AHRR: variants seen among roughly 807,000 people sequenced by gnomAD.
AHRR encodes the protein ahR repressor.
Under a neutral mutation model 44.0 loss-of-function variants are expected in AHRR, and 28 were observed. The ratio of observed to expected loss-of-function variants is 0.64; its 90% CI spans 0.47 to 0.87. The LOEUF (loss-of-function observed/expected upper bound fraction) is 0.87. Among genes scored for constraint, AHRR ranks in the 40% least tolerant of loss-of-function variants. AHRR has a pLI of 0.00. For missense variants in AHRR, 990 were observed against 953.9 expected, an observed-to-expected ratio of 1.04 and a Z score of -0.50; for synonymous variants, 434 against 407.0, an observed-to-expected ratio of 1.07 and a Z score of -0.80.
chr5:390,014 C>CAGGAA (rs1218979235), intron 4 of AHRR, among the ~76,000 whole-genome samples: 158 of 150,156 alleles, frequency 1.1e-3, no homozygotes, highest in African/African-American at 3.8e-3. Context: ...CAGGACAGGA[C>CAGGAA]AGGAAAGGAA....
chr5:397,776 C>T (rs1318270866), intron 4 of AHRR, among the ~76,000 whole-genome samples: 21 of 105,138 alleles, frequency 2.0e-4, no homozygotes, highest in East Asian at 2.8e-4. Context: ...TGACCGTCCA[C>T]GTAGCCCCTG....
At chr5:429,524 T>C (rs1736626500) in intron 8 of AHRR, among the ~76,000 whole-genome samples, 2 of 152,022 alleles carry the variant, frequency 1.3e-5, no homozygotes, top group Admixed American at 1.3e-4. Flanking sequence ...GGTCCTTGGC[T>C]GTCGGTGAGG....
At chr5:433,769 A>G in intron 10 of AHRR, 84 bp from the exon 11 acceptor site, 3 of 1,358,336 alleles carry the variant, frequency 2.2e-6, no homozygotes, top group Non-Finnish European at 2.9e-6. Flanking sequence ...CTGATTTCGT[A>G]GCCTCCCTTA....
chr5:416,116 G>A (rs560291373), intron 5 of AHRR, among the ~76,000 whole-genome samples: 82 of 152,338 alleles, frequency 5.4e-4, no homozygotes, highest in African/African-American at 1.6e-3. Flanking sequence ...GGTGCAGCTC[G>A]TCAGCACGCC....
intron 5 of AHRR, among the ~76,000 whole-genome samples, chr5:415,223 C>T (rs1369251870): frequency 6.6e-6 from 1 of 152,232 alleles, no homozygotes; most frequent in East Asian, 1.9e-4. Flanking sequence ...GCACCTCTGC[C>T]TACGAGGAAA....
At chr5:433,143 C>G (rs35664198) in intron 10 of AHRR, among the ~76,000 whole-genome samples, 196 bp downstream of exon 10, 21,187 of 152,220 alleles carry the variant, frequency 0.14, 1,914 homozygotes, top group Non-Finnish European at 0.2. Context: ...TCACGTGTGT[C>G]GCTGGGGACT....
chr5:349,579 C>CAAA lies in AHRR; in HGVS notation c.63-4139_63-4137dup, dbSNP rs35232794. Among the ~76,000 whole-genome samples, 681 of 129,566 alleles carry CAAA rather than the reference C, an allele frequency of 5.3e-3. 8 individuals carry two copies. The highest frequency in any genetic ancestry group is 0.039 in the Middle Eastern group (9 of 232). The allele number at this position is 129,566 out of a possible 152,430, so 85.0% of individuals were successfully genotyped here. A position where few individuals can be genotyped will look rare whatever the true frequency, so the allele number is the denominator to read the frequency against. On this transcript the variant is annotated intron_variant, in intron 2 of 10. Transcript: ENST00000684583. ...TGGGTGACAGAGTGAGACTCCGTCT[C>CAAA]AAAAAAAAAAAAAAGAAGAAAGAAA...
chr5:435,476 T>G lies in AHRR; in HGVS notation c.*642T>G, dbSNP rs1294804978. The G allele has an allele frequency of 6.5e-6, 1 of 152,978 alleles. No homozygotes were observed. The highest frequency in any genetic ancestry group is 1.9e-4 in the East Asian group (1 of 5,288). 9.5% of individuals were successfully genotyped at this position (152,978 alleles called of 1,614,324 possible). ...AGGCAGCAGAGGCTGGCAGCGTGGG[T>G]CCCACACTGCCCCACACCGTGCGGC... On this transcript the variant is annotated 3_prime_UTR_variant, in exon 11 of 11. Transcript: ENST00000684583.
At chr5:371,111 T>C (rs1743566551) in intron 3 of AHRR, among the ~76,000 whole-genome samples, 1 of 151,994 alleles carries the variant, frequency 6.6e-6, no homozygotes, top group Non-Finnish European at 1.5e-5. Flanking sequence ...GGCCGGAGAA[T>C]GGGAGATGAG....
intron 2 of AHRR, 58 bp from the exon 3 acceptor site, chr5:353,672 C>T: frequency 1.3e-6 from 2 of 1,534,692 alleles, no homozygotes; most frequent in South Asian, 2.4e-5. Flanking sequence ...GTTTCCGCCC[C>T]AGGGGGCCTG....
chr5:407,490 T>C (rs572281861), intron 4 of AHRR, among the ~76,000 whole-genome samples: 1 of 152,238 alleles, frequency 6.6e-6, no homozygotes, highest in Non-Finnish European at 1.5e-5. Flanking sequence ...GTAAAGGTTA[T>C]GGGTATCTGT....
intron 6 of AHRR, among the ~76,000 whole-genome samples, chr5:423,385 C>T (rs995850944): frequency 2.6e-5 from 4 of 152,076 alleles, no homozygotes; most frequent in African/African-American, 7.2e-5. Flanking sequence ...CAATGACAGG[C>T]GGGGGCTGTG....
At position 434,451 on chromosome 5, in the gene AHRR, C is replaced by T. The variant is rs1335461243; in HGVS notation, c.1711C>T (p.His571Tyr). The T allele has an allele frequency of 1.5e-5, 24 of 1,613,336 alleles. No homozygotes were observed. The highest frequency in any genetic ancestry group is 2.0e-5 in the Non-Finnish European group (24 of 1,180,004). ...SHPATFPTRMHLKTEPDSRQQ... is the reference protein window; with the variant it reads ...SHPATFPTRMYLKTEPDSRQQ... ...CCCAGCCACCTTCCCTACCAGGATG[C>T]ACCTGAAAACAGAGCCAGACTCTCG... The change falls in exon 11 of 11, where the codon CAC becomes TAC. Residue 571 changes from histidine (H) to tyrosine (Y), a missense_variant. By Grantham distance (83) the His-to-Tyr change is moderately conservative. Transcript: ENST00000684583.
chr5:399,107 G>A (rs748688343), intron 4 of AHRR, among the ~76,000 whole-genome samples: 8 of 152,228 alleles, frequency 5.3e-5, no homozygotes, highest in Non-Finnish European at 7.3e-5. Flanking sequence ...GGGTCAGCGC[G>A]GAGCTCCCTC....
At chr5:331,928 C>A (rs1579586294) in intron 1 of AHRR, among the ~76,000 whole-genome samples, 1 of 152,172 alleles carries the variant, frequency 6.6e-6, no homozygotes, top group Admixed American at 6.5e-5. Context: ...GTACATGATG[C>A]CAAAAAGGTT....
chr5:435,204 C>G lies in AHRR; in HGVS notation c.*370C>G, dbSNP rs1345126292. 4.6e-6 allele frequency: 1 copy of G among 216,974 alleles called. No homozygotes were observed. The highest frequency in any genetic ancestry group is 2.9e-5 in the African/African-American group (1 of 34,732). 13.4% of individuals were successfully genotyped at this position (216,974 alleles called of 1,614,324 possible). ...GGGGATGAAGCAGTCGGGTGATGCT[C>G]CCAAGTCCGCAGTCGGGGATGAAGC... On this transcript the variant is annotated 3_prime_UTR_variant, in exon 11 of 11. Coordinates refer to ENST00000684583, the MANE Select transcript of AHRR (RefSeq NM_001377236.1).
intron 5 of AHRR, chr5:421,458 C>T (rs1359969785): frequency 3.8e-6 from 2 of 526,868 alleles, no homozygotes; most frequent in African/African-American, 4.0e-5. Flanking sequence ...TGCCCTGTGG[C>T]CTCATCTGGG....
At chr5:354,992 G>C (rs1189134082) in intron 3 of AHRR, among the ~76,000 whole-genome samples, 2 of 152,260 alleles carry the variant, frequency 1.3e-5, no homozygotes, top group Admixed American at 1.3e-4. Flanking sequence ...CCGGCTGGCC[G>C]CAGCCTCCAT....
At position 404,411 on chromosome 5, in the gene AHRR, G is replaced by T; in HGVS notation, c.352-8933G>T. ...AGCCTTTTGCATGATTTAGGAAGGA[G>T]AGTCTTGGGGCAGAAGCAACAGGGG... is the stretch of plus-strand genomic sequence containing the variant. On this transcript the variant is annotated intron_variant, in intron 4 of 10. Coordinates refer to ENST00000684583, the MANE Select transcript of AHRR (RefSeq NM_001377236.1). The surrounding 1 kb of genome is among the most constrained non-coding windows in gnomAD (Gnocchi z 4.1). 1.9e-6 allele frequency: 1 copy of T among 538,036 alleles called. No individual in the cohort carries two copies. The highest frequency in any genetic ancestry group is 3.8e-6 in the Non-Finnish European group (1 of 264,360). 33.3% of individuals were successfully genotyped at this position (538,036 alleles called of 1,614,324 possible).
Sources: gnomAD v4.1 joint callset for allele counts (sites outside exome capture counted in the v4.1 genomes callset) on GRCh38, gnomAD v4.1.1 for gene constraint, Gnocchi (gnomAD v3.1) non-coding constraint, MANE v1.5 for transcripts, NCBI Gene and HGNC (gene_info 2026-07-23, HGNC 2026-07-21) for gene names.